The following NELL1 variants were observed in gnomAD, a reference collection of about 807,000 sequenced individuals.
NELL1 encodes the protein neural EGFL like 1, also known as protein kinase C-binding protein NELL1.
NELL1 carries 76 observed loss-of-function variants against 107.4 expected under a neutral mutation model. That is an observed-to-expected ratio of 0.71 (90% CI 0.59 to 0.86). The LOEUF (loss-of-function observed/expected upper bound fraction) is 0.86. NELL1 is among the 40% of genes least tolerant of loss of function. NELL1 has a pLI of 0.00. For synonymous variants in NELL1, 353 were observed against 341.2 expected, an observed-to-expected ratio of 1.03 and a Z score of -0.38; for missense variants, 1,024 against 1,005.5, an observed-to-expected ratio of 1.02 and a Z score of -0.25.
chr11:20,952,341 G>A (rs147216104), intron 11 of NELL1, among the ~76,000 whole-genome samples: 4 of 152,188 alleles, frequency 2.6e-5, no homozygotes, highest in East Asian at 1.9e-4. Context: ...TGGCCTGGAC[G>A]GAAATTAGTT....
At chr11:21,334,293 T>G (rs984516536) in intron 14 of NELL1, among the ~76,000 whole-genome samples, 1 of 152,088 alleles carries the variant, frequency 6.6e-6, no homozygotes, top group African/African-American at 2.4e-5. Context: ...AGAAAGACAG[T>G]AATATTTTAG....
At chr11:21,444,752 G>T (rs1266963895) in intron 15 of NELL1, among the ~76,000 whole-genome samples, 1 of 152,022 alleles carries the variant, frequency 6.6e-6, no homozygotes, top group Non-Finnish European at 1.5e-5. Flanking sequence ...TACTCTTCTA[G>T]TTATTTTAAA....
At chr11:21,309,303 TATATATATA>T (rs923712253) in intron 14 of NELL1, among the ~76,000 whole-genome samples, 4 of 125,700 alleles carry the variant, frequency 3.2e-5, no homozygotes, top group Non-Finnish European at 5.1e-5. Context: ...TATATATGTA[TATATATATA>T]ATATATATAT....
At chr11:21,396,890 G>C (rs1393166087) in intron 15 of NELL1, among the ~76,000 whole-genome samples, 1 of 151,556 alleles carries the variant, frequency 6.6e-6, no homozygotes, top group Non-Finnish European at 1.5e-5. Flanking sequence ...CTGTGGTAAA[G>C]CTGACTAATT....
At chr11:20,755,563 T>TG (rs1590264055) in intron 2 of NELL1, among the ~76,000 whole-genome samples, 1 of 19,114 alleles carries the variant, frequency 5.2e-5, no homozygotes, top group African/African-American at 1.4e-4. Flanking sequence ...TTTGTTTTTG[T>TG]TTTTTTTTTT....
At chr11:20,713,566 GA>G (rs1855165142) in intron 2 of NELL1, among the ~76,000 whole-genome samples, 1 of 152,140 alleles carries the variant, frequency 6.6e-6, no homozygotes, top group Non-Finnish European at 1.5e-5. Context: ...CACTGAGAAA[GA>G]AAACATGGCT....
intron 14 of NELL1, among the ~76,000 whole-genome samples, chr11:21,263,259 G>A (rs938465080): frequency 1.3e-5 from 2 of 151,792 alleles, no homozygotes; most frequent in Non-Finnish European, 2.9e-5. Context: ...TGTTTAACCC[G>A]GCTTTCCACT....
At chr11:21,211,829 G>A (rs2133861321) in intron 13 of NELL1, among the ~76,000 whole-genome samples, 1 of 151,962 alleles carries the variant, frequency 6.6e-6, no homozygotes, top group Non-Finnish European at 1.5e-5. Flanking sequence ...TTGTTTGTTT[G>A]GTTTTTTTGT....
chr11:21,064,531 G>A (rs1242903633), intron 12 of NELL1, among the ~76,000 whole-genome samples: 1 of 152,134 alleles, frequency 6.6e-6, no homozygotes, highest in East Asian at 1.9e-4. Context: ...GGTACTGGAT[G>A]TCTTCTAGGC....
intron 1 of NELL1, among the ~76,000 whole-genome samples, chr11:20,672,077 C>CA (rs1238696825): frequency 6.6e-6 from 1 of 152,244 alleles, no homozygotes; most frequent in East Asian, 1.9e-4. Context: ...TTCTTCTACA[C>CA]ACATTATCGG....
chr11:20,856,958 C>G (rs1281028472), intron 4 of NELL1, among the ~76,000 whole-genome samples: 4 of 152,192 alleles, frequency 2.6e-5, no homozygotes, highest in African/African-American at 9.7e-5. Context: ...CAAGAATAGG[C>G]TGAGGCAGAC....
intron 4 of NELL1, among the ~76,000 whole-genome samples, chr11:20,884,092 C>G (rs1380697268): frequency 6.6e-6 from 1 of 152,174 alleles, no homozygotes; most frequent in Non-Finnish European, 1.5e-5. Flanking sequence ...GTGCTTGGAG[C>G]TTTGCCAGCT....
chr11:21,158,935 G>T (rs1856303254), intron 13 of NELL1, among the ~76,000 whole-genome samples: 1 of 151,934 alleles, frequency 6.6e-6, no homozygotes, highest in South Asian at 2.1e-4. Context: ...TTGAGAGGTT[G>T]TTTGACTTGT....
intron 12 of NELL1, among the ~76,000 whole-genome samples, chr11:21,006,948 C>G (rs1335230759): frequency 1.3e-5 from 2 of 151,988 alleles, no homozygotes; most frequent in South Asian, 2.1e-4. Context: ...AAATAAAGAT[C>G]GAAGTTAACT....
At chr11:21,331,901 C>T (rs1324088278) in intron 14 of NELL1, among the ~76,000 whole-genome samples, 1 of 151,978 alleles carries the variant, frequency 6.6e-6, no homozygotes, top group African/African-American at 2.4e-5. Flanking sequence ...AACTTCCCCA[C>T]TCTCTTTTCT....
At chr11:20,961,181 T>A (rs745640466) in intron 12 of NELL1, among the ~76,000 whole-genome samples, 2 of 152,182 alleles carry the variant, frequency 1.3e-5, no homozygotes, top group African/African-American at 2.4e-5. Context: ...AAGCAACTCC[T>A]CCGTCTTAAG....
At chr11:20,805,053 C>A (rs1035959309) in intron 3 of NELL1, among the ~76,000 whole-genome samples, 1 of 151,916 alleles carries the variant, frequency 6.6e-6, no homozygotes, top group African/African-American at 2.4e-5. Context: ...ATAGTTTTTG[C>A]CTTAAAATGT....
chr11:20,719,651 A>G (rs907986864), intron 2 of NELL1, among the ~76,000 whole-genome samples: 1 of 152,148 alleles, frequency 6.6e-6, no homozygotes, highest in Non-Finnish European at 1.5e-5. Flanking sequence ...TTTCCATTAT[A>G]GTCTTGAAAA....
chr11:21,384,553 G>C (rs189363136), intron 15 of NELL1, among the ~76,000 whole-genome samples: 1 of 151,668 alleles, frequency 6.6e-6, no homozygotes, highest in Admixed American at 6.6e-5. Context: ...CCACTAACTC[G>C]TCATCTAGCA....
Sources: gnomAD v4.1 joint callset for allele counts (sites outside exome capture counted in the v4.1 genomes callset) on GRCh38, gnomAD v4.1.1 for gene constraint, MANE v1.5 for transcripts, NCBI Gene and HGNC (gene_info 2026-07-23, HGNC 2026-07-21) for gene names.